VWA5B2: variants seen among roughly 807,000 people sequenced by gnomAD.
The protein encoded by VWA5B2 is von Willebrand factor A domain containing 5B2.
A neutral mutation model predicts 118.5 loss-of-function variants in VWA5B2; 93 were observed. The ratio of observed to expected loss-of-function variants is 0.79; its 90% CI spans 0.66 to 0.93. The LOEUF is 0.93. Ranked by LOEUF, VWA5B2 falls within the 40% of genes least tolerant of loss-of-function variation. The probability of loss-of-function intolerance (pLI) is 0.00; values close to 1 mark genes in which losing one functional copy is unlikely to be tolerated. For synonymous variants in VWA5B2, 708 were observed against 716.3 expected (o/e 0.99, Z 0.19); for missense variants, 1,546 against 1,672.8 (o/e 0.92, Z 1.32).
intron 3 of VWA5B2, among the ~76,000 whole-genome samples, chr3:184,231,857 C>T (rs532861062): frequency 6.6e-6 from 1 of 152,242 alleles, no homozygotes; most frequent in South Asian, 2.1e-4. Context: ...AAGCCCAGCA[C>T]GTTAGGGGCT....
At position 184,240,935 on chromosome 3, in the gene VWA5B2, G is replaced by A; in HGVS notation, c.2878+7G>A. On this transcript the variant is annotated splice_region_variant and intron_variant, in intron 17 of 19. Coordinates refer to ENST00000691901, the MANE Select transcript of VWA5B2 (RefSeq NM_001390846.1). ...CTGCAGGTGTGCAGCTCAGGTAGGG[G>A]CCTCTTCTGGTGACCTCTCAGGTGC... is the stretch of plus-strand genomic sequence containing the variant. 1 of 1,551,526 alleles carries A rather than the reference G, an allele frequency of 6.4e-7. No individual in the cohort carries two copies. The highest frequency in any genetic ancestry group is 8.7e-7 in the Non-Finnish European group (1 of 1,146,946).
In VWA5B2 at chr3:184,241,736, G is replaced by C; in HGVS notation, c.3427G>C (p.Gly1143Arg). 6.7e-7 allele frequency: 1 copy of C among 1,490,342 alleles called. No homozygotes were observed. The highest frequency in any genetic ancestry group is 8.9e-7 in the Non-Finnish European group (1 of 1,122,954). The allele number at this position is 1,490,342 out of a possible 1,614,324, so 92.3% of individuals were successfully genotyped here. A position where few individuals can be genotyped will look rare whatever the true frequency, so the allele number is the denominator to read the frequency against. The change falls in exon 20 of 20, where the codon GGG (glycine) becomes CGG (arginine). Residue 1143 changes from glycine (G) to arginine (R), a missense_variant. Coordinates refer to ENST00000691901, the MANE Select transcript of VWA5B2 (RefSeq NM_001390846.1). This position sits in a 1 kb window ranked among gnomAD's most constrained non-coding sequence, Gnocchi z 5.1. The part of the protein sequence containing the change: ...GSEGPGQVDS[G>R]RGSDTEASEG... ...TGAGGGGCCAGGCCAGGTGGACAGT[G>C]GGCGGGGCTCAGACACCGAGGCCTC... is the stretch of plus-strand genomic sequence containing the variant.
chr3:184,233,653 T>C lies in VWA5B2; in HGVS notation c.608T>C (p.Val203Ala). The change falls in exon 5 of 20, where the codon GTG becomes GCG. Residue 203 changes from valine (V) to alanine (A), a missense_variant. Physicochemically the swap from Val to Ala is moderately conservative, Grantham distance 64. Transcript: ENST00000691901. This position sits in a 1 kb window ranked among gnomAD's most constrained non-coding sequence, Gnocchi z 5.2. ...GAGGAGCTGGCTGCCCCTCGGGACG[T>C]GTTCTCAGGCCCTGCCCGCTGCCCT... Reference protein sequence around the residue: ...AWEELAAPRDVFSGPARCPAP... With the variant: ...AWEELAAPRDAFSGPARCPAP... 1.3e-6 allele frequency: 2 copies of C among 1,551,224 alleles called. No individual in the cohort carries two copies. Among genetic ancestry groups the C allele is most frequent in the Non-Finnish European group, 1.7e-6 (2 of 1,146,942 alleles).
At position 184,238,333 on chromosome 3, in the gene VWA5B2, G is replaced by A. The variant is rs1294808889; in HGVS notation, c.1750G>A (p.Gly584Arg). The A allele has an allele frequency of 1.3e-6, 2 of 1,544,148 alleles. No individual in the cohort carries two copies. The highest frequency in any genetic ancestry group is 1.7e-6 in the Non-Finnish European group (2 of 1,142,928). The change falls in exon 13 of 20, where the codon GGG (glycine) becomes AGG (arginine). Residue 584 changes from glycine to arginine, a missense_variant. Around this residue, in one of 3 missense-constraint regions of VWA5B2, gnomAD observed 775 missense variants for 882.3 expected, o/e 0.88. Transcript: ENST00000691901. This position sits in a 1 kb window ranked among gnomAD's most constrained non-coding sequence, Gnocchi z 5.0. ...AGAGCCTGGCTGGCAGAGCTCGGGT[G>A]GGTCCGTGTTTCCATCCCCAGAAGA... is the stretch of plus-strand genomic sequence containing the variant. ...GQEPGWQSSG[G>R]SVFPSPEEAP...
rs1425821026 is a variant in VWA5B2 at position 184,234,268 on chromosome 3, C to A, written c.691C>A (p.Leu231Met). ...LVTGPCLLAG[L>M]ESPSHALRAD... ...CTTCCTGCCTCTATGTCCCTCAGGC[C>A]TGGAGAGCCCCTCTCATGCTCTGCG... Residue 231 changes from leucine (L) to methionine (M), a missense_variant and splice_region_variant, in exon 6 of 20, where the codon CTG becomes ATG. This residue lies in a region of VWA5B2 where 775 missense variants were observed against 882.3 expected (regional missense o/e 0.88). Coordinates refer to ENST00000691901, the MANE Select transcript of VWA5B2 (RefSeq NM_001390846.1). 1.9e-6 allele frequency: 3 copies of A among 1,551,638 alleles called. No homozygotes were observed. The South Asian group carries it at 3.6e-5, about 18-fold the overall frequency.
At position 184,241,425 on chromosome 3, in the gene VWA5B2, G is replaced by T; in HGVS notation, c.3180+21G>T. The T allele has an allele frequency of 6.3e-7, 1 of 1,575,588 alleles. No individual in the cohort carries two copies. The highest frequency in any genetic ancestry group is 8.6e-7 in the Non-Finnish European group (1 of 1,159,576). ...CCTTGGTGAGGACTCGGGAGGTGGA[G>T]GGTGGTGCCGCCGGGGCCGGGCGCT... On this transcript the variant is annotated intron_variant, in intron 19 of 19. Coordinates refer to ENST00000691901, the MANE Select transcript of VWA5B2 (RefSeq NM_001390846.1). The surrounding 1 kb of genome is among the most constrained non-coding windows in gnomAD (Gnocchi z 5.1).
chr3:184,239,284 G>A lies in VWA5B2; in HGVS notation c.2203-110G>A. On this transcript the variant is annotated intron_variant, in intron 14 of 19. Coordinates refer to ENST00000691901, the MANE Select transcript of VWA5B2 (RefSeq NM_001390846.1). This position sits in a 1 kb window ranked among gnomAD's most constrained non-coding sequence, Gnocchi z 5.1. Reference sequence around the variant, plus strand: ...ACTTGGCCTTCCTCCTCAAGCTGGTGAGCGGCCACCCAGGGTTTCAGAAAA... The same window carrying A: ...ACTTGGCCTTCCTCCTCAAGCTGGTAAGCGGCCACCCAGGGTTTCAGAAAA... 1 of 1,258,732 alleles carries A rather than the reference G, an allele frequency of 7.9e-7. No homozygotes were observed. Among genetic ancestry groups the A allele is most frequent in the Non-Finnish European group, 1.0e-6 (1 of 953,458 alleles). 78.0% of individuals were successfully genotyped at this position (1,258,732 alleles called of 1,614,324 possible).
At position 184,232,171 on chromosome 3, in the gene VWA5B2, G is replaced by A. The variant is rs114109592; in HGVS notation, c.311-1007G>A. On this transcript the variant is annotated intron_variant, in intron 3 of 19. Coordinates refer to ENST00000691901, the MANE Select transcript of VWA5B2 (RefSeq NM_001390846.1). ...GATAATCCCCCTTCCTCCTGTTATGGGGGATGAAAGTCATAGCAGGGGTCA... is the reference window on the plus strand; with the variant it reads ...GATAATCCCCCTTCCTCCTGTTATGAGGGATGAAAGTCATAGCAGGGGTCA... Among the ~76,000 whole-genome samples, 999 of 152,102 alleles carry A rather than the reference G, an allele frequency of 6.6e-3. 7 individuals are homozygous for A. Among genetic ancestry groups the A allele is most frequent in the Non-Finnish European group, 0.011 (746 of 67,972 alleles).
intron 11 of VWA5B2, 57 bp downstream of exon 11, chr3:184,236,806 A>T (rs1377758974): frequency 1.4e-6 from 2 of 1,387,008 alleles, no homozygotes; most frequent in African/African-American, 2.9e-5. Context: ...CCCAAGTTAC[A>T]CATCAAGTCT....
chr3:184,241,940 G>A lies in VWA5B2; in HGVS notation c.3631G>A (p.Ala1211Thr). ...CTTGCCTGACGGCCTTGACCTGGCC[G>A]CCCTCAAGGCCGCAGCCCGAGGGCT... ...QHLPDGLDLA[A>T]LKAAARGLFL... The change falls in exon 20 of 20, where the codon GCC becomes ACC. Residue 1211 changes from alanine (A) to threonine (T), a missense_variant. Physicochemically the swap from Ala to Thr is moderately conservative, Grantham distance 58. Transcript: ENST00000691901. This position sits in a 1 kb window ranked among gnomAD's most constrained non-coding sequence, Gnocchi z 5.1. 1 of 1,549,438 alleles carries A rather than the reference G, an allele frequency of 6.5e-7. No individual in the cohort carries two copies. The highest frequency in any genetic ancestry group is 8.7e-7 in the Non-Finnish European group (1 of 1,146,882).
rs1035311629 is a variant in VWA5B2, at chr3:184,234,644, A to G, written c.834A>G (p.Pro278=). 4.5e-6 allele frequency: 7 copies of G among 1,551,194 alleles called. No homozygotes were observed. The Middle Eastern group carries it at 5.0e-4, about 111-fold the overall frequency. ...CTCTCCTCTCAGAGCCCCATCAGCC[A>G]CACCTGATGCTGGAGGGCGGCAGCC... ...ILLHPSEPHQ[P]HLMLEGGSLS... is the part of the protein sequence containing the mutation. Residue 278 remains proline, a synonymous_variant, in exon 7 of 20, where the codon CCA becomes CCG. Coordinates refer to ENST00000691901, the MANE Select transcript of VWA5B2 (RefSeq NM_001390846.1).
chr3:184,234,891 C>T, intron 7 of VWA5B2, 136 bp downstream of exon 7: 2 of 1,345,706 alleles, frequency 1.5e-6, no homozygotes, highest in East Asian at 2.5e-5. Context: ...CTGCCACCAA[C>T]CATCACAGAG....
In VWA5B2 at chr3:184,238,731, C is replaced by G. The variant is rs752029028; in HGVS notation, c.2060C>G (p.Pro687Arg). Residue 687 changes from proline to arginine, a missense_variant, in exon 14 of 20, where the codon CCA (proline) becomes CGA (arginine). By Grantham distance (103) the Pro-to-Arg change is moderately radical. This residue lies in a region of VWA5B2 where 763 missense variants were observed against 766.6 expected (regional missense o/e 1.00). Transcript: ENST00000691901. The surrounding 1 kb of genome is among the most constrained non-coding windows in gnomAD (Gnocchi z 5.0). Reference sequence around the variant, plus strand: ...GGCTCCACAGGCAGCAGTGAGTCCCCAGGCTCACAGGGCCCTGGCTCCCCC... The same window carrying G: ...GGCTCCACAGGCAGCAGTGAGTCCCGAGGCTCACAGGGCCCTGGCTCCCCC... Reference protein sequence around the residue: ...GPGSTGSSESPGSQGPGSPEG... With the variant: ...GPGSTGSSESRGSQGPGSPEG... The G allele has an allele frequency of 3.5e-5, 54 of 1,551,044 alleles. No individual in the cohort carries two copies. Among genetic ancestry groups the G allele is most frequent in the Middle Eastern group, 3.3e-4 (2 of 5,992 alleles).
chr3:184,233,578 C>T lies in VWA5B2; in HGVS notation c.533C>T (p.Pro178Leu). ...PRPPGLCDDSPTSCFGVGSLQ... is the reference protein window; with the variant it reads ...PRPPGLCDDSLTSCFGVGSLQ... ...ACCCTCCTCATGCTCCCTTCCAGCC[C>T]CACCAGCTGCTTCGGGGTGGGCAGC... The change falls in exon 5 of 20, where the codon CCC becomes CTC. Residue 178 changes from proline (P) to leucine (L), a missense_variant and splice_region_variant. By Grantham distance (98) the Pro-to-Leu change is moderately conservative. Coordinates refer to ENST00000691901, the MANE Select transcript of VWA5B2 (RefSeq NM_001390846.1). This position sits in a 1 kb window ranked among gnomAD's most constrained non-coding sequence, Gnocchi z 5.2. 1 of 1,550,398 alleles carries T rather than the reference C, an allele frequency of 6.4e-7. No individual in the cohort carries two copies. Among genetic ancestry groups the T allele is most frequent in the Non-Finnish European group, 8.7e-7 (1 of 1,146,620 alleles).
rs889951287 is a variant in VWA5B2 at position 184,233,361 on chromosome 3, C to A, written c.494C>A (p.Pro165Gln). The A allele has an allele frequency of 1.9e-6, 3 of 1,539,980 alleles. No individual in the cohort carries two copies. Among genetic ancestry groups the A allele is most frequent in the African/African-American group, 2.8e-5 (2 of 72,664 alleles). Residue 165 changes from proline (P) to glutamine (Q), a missense_variant, in exon 4 of 20, where the codon CCG becomes CAG. By Grantham distance (76) the Pro-to-Gln change is moderately conservative (BLOSUM62 -1). Around this residue, in one of 3 missense-constraint regions of VWA5B2, gnomAD observed 775 missense variants for 882.3 expected, o/e 0.88. Coordinates refer to ENST00000691901, the MANE Select transcript of VWA5B2 (RefSeq NM_001390846.1). The surrounding 1 kb of genome is among the most constrained non-coding windows in gnomAD (Gnocchi z 5.2). ...VLTPLAPPGP[P>Q]GPPRPPGLCD... ...ACCCCGCTGGCCCCGCCAGGCCCGC[C>A]GGGGCCCCCCAGGCCTCCGGGGCTC...
chr3:184,239,103 A>G lies in VWA5B2; in HGVS notation c.2202+230A>G, dbSNP rs937022473. ...TGAGAGAGTCAGGAAAGTCAGAGCC[A>G]TATCTGGAAGAATAAGCACGAGTTA... is the stretch of plus-strand genomic sequence containing the variant. On this transcript the variant is annotated intron_variant, in intron 14 of 19. Transcript: ENST00000691901. This position sits in a 1 kb window ranked among gnomAD's most constrained non-coding sequence, Gnocchi z 5.1. Among the ~76,000 whole-genome samples the G allele has an allele frequency of 1.3e-5, 2 of 152,216 alleles. No individual in the cohort carries two copies. Among genetic ancestry groups the G allele is most frequent in the South Asian group, 4.1e-4 (2 of 4,828 alleles).
chr3:184,235,630 C>T (rs1174750237), intron 8 of VWA5B2, among the ~76,000 whole-genome samples: 4 of 151,736 alleles, frequency 2.6e-5, no homozygotes, highest in Non-Finnish European at 5.9e-5. Flanking sequence ...TCATGTGTAC[C>T]TCCAGAGTCC....
At position 184,242,029 on chromosome 3, in the gene VWA5B2, G is replaced by T. The variant is rs1391739912; in HGVS notation, c.3720G>T (p.Ala1240=). The change falls in exon 20 of 20, where the codon GCG becomes GCT. Residue 1240 remains alanine, a synonymous_variant. Coordinates refer to ENST00000691901, the MANE Select transcript of VWA5B2 (RefSeq NM_001390846.1). ...TACACCTGCTGTGCTACAGCCCAGC[G>T]AACGTGTGAAGGCTGCCCCCTGCTG... ...LQLHLLCYSP[A]NV 3 of 1,549,418 alleles carry T rather than the reference G, an allele frequency of 1.9e-6. No homozygotes were observed. Among genetic ancestry groups the T allele is most frequent in the South Asian group, 2.4e-5 (2 of 84,004 alleles).
In VWA5B2 at chr3:184,238,651, C is replaced by T. The variant is rs1307790563; in HGVS notation, c.1980C>T (p.Tyr660=). ...GGCGCCGCATCTTTCAGTCCTCGTA[C>T]ATTCGGGAGCAGTATGTGCTCACCC... is the stretch of plus-strand genomic sequence containing the variant. ...AIWRRIFQSS[Y]IREQYVLTHC... Residue 660 remains tyrosine (Y), a synonymous_variant, in exon 14 of 20, where the codon TAC becomes TAT. Transcript: ENST00000691901. The surrounding 1 kb of genome is among the most constrained non-coding windows in gnomAD (Gnocchi z 5.0). The T allele has an allele frequency of 6.4e-7, 1 of 1,551,746 alleles. No homozygotes were observed. The highest frequency in any genetic ancestry group is 2.0e-5 in the Admixed American group (1 of 51,014).
Sources: allele counts gnomAD v4.1 joint callset (sites outside exome capture counted in the v4.1 genomes callset), GRCh38; gene constraint gnomAD v4.1.1; regional missense constraint gnomAD v4.1.1; non-coding constraint Gnocchi (gnomAD v3.1); transcripts MANE v1.5; gene names NCBI Gene and HGNC (gene_info 2026-07-23, HGNC 2026-07-21).